The following GPR158 variants were observed in gnomAD, a reference collection of about 807,000 sequenced individuals.
GPR158 encodes metabotropic glycine receptor.
Under a neutral mutation model 78.2 loss-of-function variants are expected in GPR158, and 30 were observed. The observed-to-expected ratio is 0.38, with a 90% CI of 0.29 to 0.52. The LOEUF is 0.52. Ranked by LOEUF, GPR158 falls within the 20% of genes least tolerant of loss-of-function variation. The pLI is 0.83. For missense variants in GPR158, 1,463 were observed against 1,523.5 expected, an observed-to-expected ratio of 0.96 and a Z score of 0.66; for synonymous variants, 581 against 591.1, an observed-to-expected ratio of 0.98 and a Z score of 0.25.
At chr10:25,319,945 A>G (rs1252985539) in intron 2 of GPR158, among the ~76,000 whole-genome samples, 1 of 152,066 alleles carries the variant, frequency 6.6e-6, no homozygotes, top group African/African-American at 2.4e-5. Context: ...AGGTGGGCCT[A>G]ACTTGAACTT....
At chr10:25,383,153 G>A (rs1760764) in intron 2 of GPR158, among the ~76,000 whole-genome samples, 97,992 of 151,954 alleles carry the variant, frequency 0.64, 32,553 homozygotes, top group Non-Finnish European at 0.73. Flanking sequence ...AAGATTCAAC[G>A]TTTTAAAGTA....
intron 3 of GPR158, among the ~76,000 whole-genome samples, chr10:25,397,750 T>C (rs182585026): frequency 1.1e-3 from 171 of 152,348 alleles, no homozygotes; most frequent in Non-Finnish European, 1.1e-3. Context: ...CCTCCCAGGT[T>C]CTGCTTCCAC....
intron 2 of GPR158, among the ~76,000 whole-genome samples, chr10:25,394,242 T>A (rs780861022): frequency 2.6e-5 from 4 of 152,232 alleles, no homozygotes; most frequent in Non-Finnish European, 5.9e-5. Context: ...TGTCTGTGTC[T>A]GGTGGAATAG....
At chr10:25,437,656 G>T (rs1354325404) in intron 4 of GPR158, among the ~76,000 whole-genome samples, 1 of 152,184 alleles carries the variant, frequency 6.6e-6, no homozygotes, top group East Asian at 1.9e-4. Flanking sequence ...GAGCCTATTA[G>T]ATTGATTTGA....
intron 5 of GPR158, among the ~76,000 whole-genome samples, chr10:25,467,090 A>G (rs1450226610): frequency 2.0e-5 from 3 of 152,168 alleles, no homozygotes; most frequent in Admixed American, 6.5e-5. Flanking sequence ...TGAGACTTCA[A>G]TCAGATTCGA....
chr10:25,499,811 T>C (rs2130656713), intron 5 of GPR158, among the ~76,000 whole-genome samples: 1 of 152,146 alleles, frequency 6.6e-6, no homozygotes, highest in Non-Finnish European at 1.5e-5. Context: ...CGAGGCAGGA[T>C]AGGCTTTGAC....
intron 2 of GPR158, among the ~76,000 whole-genome samples, chr10:25,324,521 A>G (rs1308111958): frequency 6.6e-6 from 1 of 152,226 alleles, no homozygotes; most frequent in African/African-American, 2.4e-5. Context: ...TAAAAACTTC[A>G]AAGATCACAG....
At chr10:25,468,456 G>A (rs1376678823) in intron 5 of GPR158, among the ~76,000 whole-genome samples, 2 of 152,140 alleles carry the variant, frequency 1.3e-5, no homozygotes, top group East Asian at 3.8e-4. Flanking sequence ...CCAAATTTGT[G>A]AGGAAGGTTA....
At chr10:25,388,330 G>C (rs1443360925) in intron 2 of GPR158, among the ~76,000 whole-genome samples, 1 of 152,180 alleles carries the variant, frequency 6.6e-6, no homozygotes, top group Non-Finnish European at 1.5e-5. Context: ...TGGGTCCTCT[G>C]TGGCCTGAGT....
At chr10:25,393,130 C>T (rs970440634) in intron 2 of GPR158, among the ~76,000 whole-genome samples, 8 of 152,140 alleles carry the variant, frequency 5.3e-5, no homozygotes, top group Non-Finnish European at 1.0e-4. Flanking sequence ...CAGATCTAAT[C>T]AATTCAATTT....
At chr10:25,447,221 A>G (rs1283913195) in intron 4 of GPR158, among the ~76,000 whole-genome samples, 1 of 152,198 alleles carries the variant, frequency 6.6e-6, no homozygotes, top group African/African-American at 2.4e-5. Context: ...GAGTACACAT[A>G]TATATTTTAT....
chr10:25,447,740 A>G (rs1284829134), intron 4 of GPR158, among the ~76,000 whole-genome samples: 1 of 152,208 alleles, frequency 6.6e-6, no homozygotes, highest in Non-Finnish European at 1.5e-5. Context: ...GGTAATAAAG[A>G]TCTATTGACT....
Position 25,282,042 on chromosome 10 carries a change from G to T in GPR158, c.1008+60885G>T, listed in dbSNP as rs530301256. 2.6e-5 allele frequency among the ~76,000 whole-genome samples: 4 copies of T among 152,256 alleles called. 1 individual carries two copies. In the South Asian group the frequency reaches 8.3e-4, roughly 32 times the overall value. On this transcript the variant is annotated intron_variant, in intron 2 of 10. Coordinates refer to ENST00000376351, the MANE Select transcript of GPR158 (RefSeq NM_020752.3). ...ACCTATTAGTTTTGATGAATTCAAA[G>T]ATTTGAGTATTTATCCATCATCATA... is the stretch of plus-strand genomic sequence containing the variant.
chr10:25,479,769 A>G (rs901109360), intron 5 of GPR158, among the ~76,000 whole-genome samples: 1 of 152,146 alleles, frequency 6.6e-6, no homozygotes, highest in Admixed American at 6.5e-5. Context: ...CTTTCAATAT[A>G]TAGATTTAAG....
intron 2 of GPR158, among the ~76,000 whole-genome samples, chr10:25,362,409 TC>T (rs1283122704): frequency 6.6e-6 from 1 of 151,946 alleles, no homozygotes; most frequent in African/African-American, 2.4e-5. Flanking sequence ...AATTTTTTTT[TC>T]TTCAATATTT....
intron 2 of GPR158, among the ~76,000 whole-genome samples, chr10:25,298,558 A>C (rs1854548581): frequency 6.6e-6 from 1 of 152,198 alleles, no homozygotes; most frequent in Non-Finnish European, 1.5e-5. Context: ...TAAGCAGCTT[A>C]AGGCACATTT....
At chr10:25,453,653 C>G (rs958892458) in intron 4 of GPR158, among the ~76,000 whole-genome samples, 2 of 152,106 alleles carry the variant, frequency 1.3e-5, no homozygotes, top group Non-Finnish European at 2.9e-5. Flanking sequence ...TTGTGCATAT[C>G]TCATTATCCC....
intron 5 of GPR158, among the ~76,000 whole-genome samples, chr10:25,510,294 A>G (rs1836067847): frequency 6.6e-6 from 1 of 152,188 alleles, no homozygotes; most frequent in South Asian, 2.1e-4. Context: ...TTATTTGATA[A>G]AATAGTTCAA....
intron 4 of GPR158, among the ~76,000 whole-genome samples, chr10:25,450,559 G>A (rs1272567403): frequency 6.6e-6 from 1 of 151,312 alleles, no homozygotes; most frequent in Non-Finnish European, 1.5e-5. Context: ...ATTTTTAAAT[G>A]CTTACAGTAT....
Sources: gnomAD v4.1 joint callset for allele counts (sites outside exome capture counted in the v4.1 genomes callset) on GRCh38, gnomAD v4.1.1 for gene constraint, MANE v1.5 for transcripts, NCBI Gene and HGNC (gene_info 2026-07-23, HGNC 2026-07-21) for gene names.